Variants in PLSCR2 observed in about 807,000 individuals in gnomAD.
PLSCR2 encodes the protein PL scramblase 2.
In PLSCR2, 18 loss-of-function variants were observed where a neutral mutation model predicts 25.3. The observed-to-expected ratio is 0.71, with a 90% CI of 0.49 to 1.06. The LOEUF (loss-of-function observed/expected upper bound fraction) is 1.06, where lower values mean the gene tolerates loss of function less well. Ranked by LOEUF, PLSCR2 falls within the 50% of genes least tolerant of loss-of-function variation. PLSCR2 has a pLI of 0.00. For synonymous variants in PLSCR2, 88 were observed against 87.3 expected, an observed-to-expected ratio of 1.01 and a Z score of -0.04; for missense variants, 243 against 269.5, an observed-to-expected ratio of 0.90 and a Z score of 0.69.
At chr3:146,477,091 A>C (rs2042314045) in intron 1 of PLSCR2, among the ~76,000 whole-genome samples, 2 of 152,212 alleles carry the variant, frequency 1.3e-5, no homozygotes, top group East Asian at 3.9e-4. Flanking sequence ...CAGACACCTT[A>C]TACCAGAGTG....
chr3:146,464,966 T>C (rs1191487295), upstream of PLSCR2, among the ~76,000 whole-genome samples: 2 of 152,120 alleles, frequency 1.3e-5, no homozygotes, highest in African/African-American at 4.8e-5. Context: ...CTTCAACAGA[T>C]CAAATCAAAA....
chr3:146,409,504 T>C (rs763175205), intron 2 of PLSCR2, among the ~76,000 whole-genome samples: 37 of 152,070 alleles, frequency 2.4e-4, no homozygotes, highest in Non-Finnish European at 4.7e-4. Flanking sequence ...AACTCAACCA[T>C]TGATTAATGT....
At position 146,456,430 on chromosome 3, in the gene PLSCR2, CA is replaced by C. The variant is rs1440962335; in HGVS notation, c.101-972del. Among the ~76,000 whole-genome samples the C allele has an allele frequency of 4.2e-4, 64 of 152,266 alleles. No homozygotes were observed. In the Middle Eastern group the frequency reaches 0.01, roughly 24 times the overall value. On this transcript the variant is annotated intron_variant, in intron 3 of 6. Transcript: ENST00000610787. Reference sequence around the variant, plus strand: ...CCTATATAGGAACTGCACTTGACCTCAACATCTGCTGTAGACAAAAGTTTGT... The same window carrying C: ...CCTATATAGGAACTGCACTTGACCTCACATCTGCTGTAGACAAAAGTTTGT...
At chr3:146,399,900 T>C (rs553876200) in intron 2 of PLSCR2, among the ~76,000 whole-genome samples, 1 of 151,762 alleles carries the variant, frequency 6.6e-6, no homozygotes, top group Non-Finnish European at 1.5e-5. Context: ...TAAGTCAATA[T>C]GGTGGTAATG....
chr3:146,429,888 G>A (rs1576606150), downstream of PLSCR2, among the ~76,000 whole-genome samples: 1 of 152,288 alleles, frequency 6.6e-6, no homozygotes, highest in African/African-American at 2.4e-5. Flanking sequence ...GCCTCCCAAA[G>A]TGCTGGGATT....
chr3:146,463,772 C>T (rs867807592), upstream of PLSCR2: 37 of 630,766 alleles, frequency 5.9e-5, no homozygotes, highest in Non-Finnish European at 7.1e-5. Context: ...GTAAATAAGT[C>T]AACTGATCCC....
Position 146,393,308 on chromosome 3 carries a change from G to A in PLSCR2, c.*146-1746C>T, listed in dbSNP as rs574202912. On this transcript the variant is annotated intron_variant and NMD_transcript_variant, in intron 3 of 3. Coordinates refer to the PLSCR2 transcript ENST00000463633. ...CTCCCAAAGTGCTGGGATTACAGGC[G>A]TGAGCCACCGTGCCCAGCCTACATT... Among the ~76,000 whole-genome samples the A allele has an allele frequency of 6.5e-4, 99 of 151,714 alleles. 1 individual carries two copies. The highest frequency in any genetic ancestry group is 2.2e-3 in the African/African-American group (90 of 41,446).
At chr3:146,407,834 G>A (rs904863815) in intron 2 of PLSCR2, among the ~76,000 whole-genome samples, 2 of 152,068 alleles carry the variant, frequency 1.3e-5, no homozygotes, top group African/African-American at 2.4e-5. Context: ...CTCGCCTTTC[G>A]TACTCCTTGC....
intron 2 of PLSCR2, among the ~76,000 whole-genome samples, chr3:146,425,787 C>T (rs1405444352): frequency 1.3e-5 from 2 of 152,020 alleles, no homozygotes; most frequent in Admixed American, 1.3e-4. Context: ...GAGTTAAAGG[C>T]ACTGAAGGGG....
chr3:146,423,271 CTCTCTCTCTCTCCCT>C (rs2039219007), intron 2 of PLSCR2, among the ~76,000 whole-genome samples: 1 of 145,278 alleles, frequency 6.9e-6, no homozygotes, highest in Non-Finnish European at 1.5e-5. Flanking sequence ...CTCTCTCTCT[CTCTCTCTCTCTCCCT>C]GGCTAGATTC....
intron 2 of PLSCR2, among the ~76,000 whole-genome samples, chr3:146,414,252 G>A (rs2038944772): frequency 6.6e-6 from 1 of 152,198 alleles, no homozygotes; most frequent in African/African-American, 2.4e-5. Flanking sequence ...CCATCGCACT[G>A]ATGATTAAGT....
intron 5 of PLSCR2, among the ~76,000 whole-genome samples, chr3:146,450,027 A>G (rs1230309118): frequency 5.3e-5 from 8 of 152,168 alleles, no homozygotes; most frequent in Admixed American, 5.2e-4. Context: ...AAACTTTTCT[A>G]TTTTTGTGAA....
At chr3:146,454,988 T>C (rs1446829806) in intron 4 of PLSCR2, among the ~76,000 whole-genome samples, 4 of 152,166 alleles carry the variant, frequency 2.6e-5, no homozygotes, top group Non-Finnish European at 5.9e-5. Context: ...TGTCTGACCT[T>C]TCCTTTAATA....
At chr3:146,399,751 CCTTGCTTGCTTT>C (rs892762945) in intron 2 of PLSCR2, among the ~76,000 whole-genome samples, 18 of 146,672 alleles carry the variant, frequency 1.2e-4, no homozygotes, top group African/African-American at 3.5e-4. Flanking sequence ...TTTCTTTCTT[CCTTGCTTGCTTT>C]CTTGCTTGCT....
intron 1 of PLSCR2, among the ~76,000 whole-genome samples, chr3:146,470,412 G>T (rs568948661): frequency 6.6e-6 from 1 of 152,186 alleles, no homozygotes; most frequent in East Asian, 1.9e-4. Context: ...AGGTGTGGTG[G>T]TGTGCCCCTG....
At chr3:146,434,544 T>A (rs1018508877) in intron 8 of PLSCR2, among the ~76,000 whole-genome samples, 5 of 152,014 alleles carry the variant, frequency 3.3e-5, no homozygotes, top group African/African-American at 1.2e-4. Flanking sequence ...ATGTAGACTT[T>A]TATATATATA....
intron 6 of PLSCR2, among the ~76,000 whole-genome samples, chr3:146,446,299 G>C (rs2108283420): frequency 1.3e-5 from 2 of 152,248 alleles, no homozygotes; most frequent in East Asian, 3.9e-4. Context: ...TTCTTGGGAA[G>C]GCTTTCCAGG....
upstream of PLSCR2, among the ~76,000 whole-genome samples, chr3:146,465,128 TATAA>T (rs1186848136): frequency 1.3e-5 from 2 of 152,140 alleles, no homozygotes; most frequent in Non-Finnish European, 2.9e-5. Context: ...CTTTAGTCCT[TATAA>T]AGAGAGTAAC....
chr3:146,482,031 A>G (rs2043148690), intron 1 of PLSCR2, among the ~76,000 whole-genome samples: 1 of 152,232 alleles, frequency 6.6e-6, no homozygotes, highest in Admixed American at 6.5e-5. Context: ...CATATGTAGA[A>G]AGCAGAAGCT....
Sources: allele counts gnomAD v4.1 joint callset (sites outside exome capture counted in the v4.1 genomes callset), GRCh38; gene constraint gnomAD v4.1.1; transcripts MANE v1.5; gene names NCBI Gene and HGNC (gene_info 2026-07-23, HGNC 2026-07-21).